Variants in MAPK10 observed in about 807,000 individuals in gnomAD.
MAPK10 encodes mitogen-activated protein kinase 10, also known as JNK3 alpha protein kinase.
Under a neutral mutation model 59.3 loss-of-function variants are expected in MAPK10, and 25 were observed. The ratio of observed to expected loss-of-function variants is 0.42; its 90% CI spans 0.31 to 0.59. The LOEUF (loss-of-function observed/expected upper bound fraction) is 0.59. MAPK10 is among the 20% of genes least tolerant of loss of function. The pLI, the probability that MAPK10 is intolerant of heterozygous loss-of-function variation, is 0.15. For synonymous variants in MAPK10, 190 were observed against 200.5 expected (o/e 0.95, Z 0.44); for missense variants, 351 against 568.9 (o/e 0.62, Z 3.90).
intron 2 of MAPK10, among the ~76,000 whole-genome samples, chr4:86,195,254 G>A (rs1322627768): frequency 6.6e-6 from 1 of 152,138 alleles, no homozygotes; most frequent in East Asian, 1.9e-4. Flanking sequence ...GTTGAATGCT[G>A]ATTGTGTGCA....
At chr4:86,585,246 A>C (rs1196709677) in intron 1 of MAPK10, among the ~76,000 whole-genome samples, 1 of 152,190 alleles carries the variant, frequency 6.6e-6, no homozygotes, top group Non-Finnish European at 1.5e-5. Context: ...TGCAGTAGTA[A>C]TCTCTCTTCA....
At chr4:86,365,257 C>A (rs1163469672) in intron 1 of MAPK10, among the ~76,000 whole-genome samples, 1 of 151,684 alleles carries the variant, frequency 6.6e-6, no homozygotes, top group East Asian at 1.9e-4. Flanking sequence ...CATGGCAAAA[C>A]CCCGTCTCTA....
chr4:86,391,782 G>A (rs552626358), intron 1 of MAPK10, among the ~76,000 whole-genome samples: 2 of 152,276 alleles, frequency 1.3e-5, no homozygotes, highest in South Asian at 2.1e-4. Context: ...AACAAGTGAC[G>A]TGAACCATTG....
chr4:86,316,117 A>G (rs1367095145), intron 2 of MAPK10, among the ~76,000 whole-genome samples: 2 of 152,182 alleles, frequency 1.3e-5, no homozygotes, highest in Non-Finnish European at 2.9e-5. Flanking sequence ...CTGATGTTAC[A>G]CTGAAATTTT....
intron 1 of MAPK10, among the ~76,000 whole-genome samples, chr4:86,551,931 T>A (rs1430683560): frequency 1.3e-5 from 2 of 152,328 alleles, no homozygotes; most frequent in East Asian, 1.9e-4. Flanking sequence ...CTAAATATTT[T>A]CTTGCAACTA....
chr4:86,558,834 A>C (rs921608414), intron 1 of MAPK10, among the ~76,000 whole-genome samples: 3 of 136,956 alleles, frequency 2.2e-5, no homozygotes, highest in Admixed American at 2.2e-4. Flanking sequence ...ACTTTCAGGA[A>C]AAAAAAAAAA....
chr4:86,414,460 T>G (rs182870390), intron 1 of MAPK10, among the ~76,000 whole-genome samples: 40 of 152,298 alleles, frequency 2.6e-4, no homozygotes, highest in Non-Finnish European at 4.9e-4. Flanking sequence ...TTTTCAAAAG[T>G]GTGTGATAGC....
chr4:86,035,773 A>C (rs952759495), intron 11 of MAPK10, among the ~76,000 whole-genome samples: 2 of 152,152 alleles, frequency 1.3e-5, no homozygotes, highest in African/African-American at 4.8e-5. Flanking sequence ...AGAATGGAAA[A>C]GGGGAAATGA....
At chr4:86,384,869 T>C (rs1236929715) in intron 1 of MAPK10, among the ~76,000 whole-genome samples, 4 of 152,140 alleles carry the variant, frequency 2.6e-5, no homozygotes, top group Non-Finnish European at 5.9e-5. Flanking sequence ...TTTAACAACT[T>C]TCATCTAAAC....
chr4:86,353,428 C>T (rs909907146), intron 2 of MAPK10, among the ~76,000 whole-genome samples: 2 of 152,120 alleles, frequency 1.3e-5, no homozygotes, highest in African/African-American at 4.8e-5. Flanking sequence ...CTGGGAGTAA[C>T]ACATAATATA....
chr4:86,325,040 A>G (rs1293217586), intron 2 of MAPK10, among the ~76,000 whole-genome samples: 1 of 152,188 alleles, frequency 6.6e-6, no homozygotes, highest in East Asian at 1.9e-4. Flanking sequence ...GGAAATAGAG[A>G]TTTCAATTTA....
intron 2 of MAPK10, among the ~76,000 whole-genome samples, chr4:86,206,057 T>G (rs1270053694): frequency 1.3e-5 from 2 of 152,036 alleles, no homozygotes; most frequent in Non-Finnish European, 2.9e-5. Context: ...ATTTTATTAT[T>G]ATTATACTTT....
chr4:86,504,319 G>A (rs749406633), intron 1 of MAPK10, among the ~76,000 whole-genome samples: 8 of 152,090 alleles, frequency 5.3e-5, no homozygotes, highest in Non-Finnish European at 1.2e-4. Context: ...TCCTATGCTA[G>A]CCCAGTGAAA....
intron 9 of MAPK10, among the ~76,000 whole-genome samples, chr4:86,085,561 C>T (rs765273573): frequency 6.6e-6 from 1 of 152,112 alleles, no homozygotes; most frequent in South Asian, 2.1e-4. Context: ...CATCTCACCC[C>T]GGTTAAAAGA....
chr4:86,456,757 A>G (rs1301168299), upstream of MAPK10, among the ~76,000 whole-genome samples: 2 of 152,224 alleles, frequency 1.3e-5, no homozygotes, highest in Non-Finnish European at 2.9e-5. Context: ...AATTCGATTG[A>G]CACTATTCCA....
At chr4:86,392,586 C>A (rs1742374264) in intron 1 of MAPK10, among the ~76,000 whole-genome samples, 1 of 152,052 alleles carries the variant, frequency 6.6e-6, no homozygotes, top group Non-Finnish European at 1.5e-5. Context: ...TTCTAACCTG[C>A]CTGTTCCGGC....
Position 86,432,208 on chromosome 4 carries a change from C to A in MAPK10, c.-122+20822G>T, listed in dbSNP as rs1748133033. ...GTTTTCAAGGTTTTTCTGGGGTCCC[C>A]TGGGCCAAGAAGAGGCCCATTCAGT... On this transcript the variant is annotated intron_variant, in intron 1 of 13. Transcript: ENST00000361569. 2.0e-5 allele frequency among the ~76,000 whole-genome samples: 3 copies of A among 152,130 alleles called. No homozygotes were observed. In the South Asian group the frequency reaches 6.2e-4, roughly 32 times the overall value.
chr4:86,223,903 A>G (rs1407074645), intron 2 of MAPK10, among the ~76,000 whole-genome samples: 1 of 152,184 alleles, frequency 6.6e-6, no homozygotes, highest in African/African-American at 2.4e-5. Flanking sequence ...AAGTCTCATT[A>G]TGTAAATAAT....
At chr4:86,411,747 G>T (rs1191350759) in intron 1 of MAPK10, among the ~76,000 whole-genome samples, 1 of 152,204 alleles carries the variant, frequency 6.6e-6, no homozygotes, top group Non-Finnish European at 1.5e-5. Context: ...CTTTCCATTT[G>T]CTTGGTAGAT....
Sources: gnomAD v4.1 joint callset for allele counts (sites outside exome capture counted in the v4.1 genomes callset) on GRCh38, gnomAD v4.1.1 for gene constraint, MANE v1.5 for transcripts, NCBI Gene and HGNC (gene_info 2026-07-23, HGNC 2026-07-21) for gene names.